BDP1: variants seen among roughly 807,000 people sequenced by gnomAD.
BDP1 encodes the protein BDP1 general transcription factor IIIB subunit, also known as transcription factor TFIIIB component B'' homolog.
BDP1 carries 169 observed loss-of-function variants against 266.6 expected under a neutral mutation model. The observed-to-expected ratio is 0.63, with a 90% CI of 0.56 to 0.72. BDP1 has a LOEUF of 0.72. Among genes scored for constraint, BDP1 ranks in the 30% least tolerant of loss-of-function variants. BDP1 has a pLI of 0.00. For synonymous variants in BDP1, 1,090 were observed against 1,022.4 expected, an observed-to-expected ratio of 1.07 and a Z score of -1.26; for missense variants, 3,015 against 3,053.8, an observed-to-expected ratio of 0.99 and a Z score of 0.30.
In BDP1 at chr5:71,559,279, C is replaced by T. The variant is rs114622771; in HGVS notation, c.7241-703C>T. ...CCTCTAGAGATGTTCTAAGATTGCT[C>T]CCATCCATCTGCTCTCCAATAAAAG... On this transcript the variant is annotated intron_variant, in intron 36 of 38. Transcript: ENST00000358731. Among the ~76,000 whole-genome samples, 1,511 of 152,296 alleles carry T rather than the reference C, an allele frequency of 9.9e-3. 29 individuals carry two copies. The highest frequency in any genetic ancestry group is 0.034 in the African/African-American group (1,422 of 41,546).
intron 6 of BDP1, among the ~76,000 whole-genome samples, chr5:71,468,435 G>A (rs967595507): frequency 5.3e-5 from 8 of 151,512 alleles, no homozygotes; most frequent in African/African-American, 1.5e-4. Flanking sequence ...GGCGTGAGTC[G>A]TTGTGCCCAG....
chr5:71,552,957 G>A (rs1373083320), intron 34 of BDP1, among the ~76,000 whole-genome samples, 159 bp from the exon 35 acceptor site: 1 of 152,030 alleles, frequency 6.6e-6, no homozygotes, highest in African/African-American at 2.4e-5. Flanking sequence ...CCATGGCCGT[G>A]TATCTCTTAG....
chr5:71,512,203 C>G (rs752098918), intron 17 of BDP1, 38 bp from the exon 18 acceptor site: 2 of 1,118,900 alleles, frequency 1.8e-6, no homozygotes, highest in Admixed American at 2.9e-5. Flanking sequence ...TTTAAATACT[C>G]TTTTATTTGT....
intron 25 of BDP1, among the ~76,000 whole-genome samples, chr5:71,526,839 C>G (rs906046551): frequency 2.6e-5 from 4 of 151,718 alleles, no homozygotes; most frequent in African/African-American, 9.7e-5. Flanking sequence ...GTGTGCACCA[C>G]CAAGCCTGAT....
At chr5:71,480,154 A>G (rs1762857447) in intron 7 of BDP1, among the ~76,000 whole-genome samples, 1 of 150,442 alleles carries the variant, frequency 6.6e-6, no homozygotes, top group South Asian at 2.1e-4. Context: ...CTCTGTCGCC[A>G]GGCTGGAGTG....
At chr5:71,504,426 T>C (rs1339520678) in intron 15 of BDP1, among the ~76,000 whole-genome samples, 195 bp from the exon 16 acceptor site, 1 of 152,220 alleles carries the variant, frequency 6.6e-6, no homozygotes, top group Non-Finnish European at 1.5e-5. Context: ...GAATGGGGCT[T>C]TGAGATATCC....
chr5:71,549,306 T>A (rs1345906017), intron 33 of BDP1, 114 bp from the exon 34 acceptor site: 1 of 860,466 alleles, frequency 1.2e-6, no homozygotes, highest in Non-Finnish European at 1.8e-6. Flanking sequence ...ATTTATTTAT[T>A]TAGTCTTGAT....
chr5:71,500,823 G>A (rs1256171184), intron 13 of BDP1, among the ~76,000 whole-genome samples: 1 of 151,860 alleles, frequency 6.6e-6, no homozygotes, highest in Admixed American at 6.6e-5. Flanking sequence ...ATGTACATCA[G>A]GTGTGGTGGC....
At chr5:71,499,533 C>T (rs1474655820) in intron 13 of BDP1, among the ~76,000 whole-genome samples, 1 of 152,062 alleles carries the variant, frequency 6.6e-6, no homozygotes, top group Admixed American at 6.6e-5. Flanking sequence ...GCAAAAGAAC[C>T]ACTTGTACCC....
intron 26 of BDP1, among the ~76,000 whole-genome samples, chr5:71,537,265 G>A (rs1766679644): frequency 6.6e-6 from 1 of 151,618 alleles, no homozygotes; most frequent in Admixed American, 6.6e-5. Flanking sequence ...TTAATATAGT[G>A]GAATGTTAAG....
intron 13 of BDP1, among the ~76,000 whole-genome samples, chr5:71,498,845 T>A (rs1201324512): frequency 2.6e-5 from 4 of 151,704 alleles, no homozygotes; most frequent in African/African-American, 9.7e-5. Context: ...TGCCTCAGCC[T>A]CCTAAGTAGC....
At chr5:71,490,051 G>C (rs1295169585) in intron 10 of BDP1, among the ~76,000 whole-genome samples, 1 of 152,090 alleles carries the variant, frequency 6.6e-6, no homozygotes, top group Non-Finnish European at 1.5e-5. Context: ...ACCCACAAGG[G>C]GTTAGTTCCT....
At position 71,560,225 on chromosome 5, in the gene BDP1, C is replaced by T. The variant is rs1341375248; in HGVS notation, c.7484C>T (p.Ala2495Val). 1.2e-6 allele frequency: 2 copies of T among 1,613,950 alleles called. No individual in the cohort carries two copies. Among genetic ancestry groups the T allele is most frequent in the Admixed American group, 1.7e-5 (1 of 60,012 alleles). Residue 2495 changes from alanine to valine, a missense_variant, in exon 37 of 39, where the codon GCC becomes GTC. Around this residue, in one of 3 missense-constraint regions of BDP1, gnomAD observed 629 missense variants for 632.5 expected, o/e 0.99. Transcript: ENST00000358731. ...QMDSRTSSSK[A>V]SLSRPGRRPL... is the part of the protein sequence containing the mutation. ...GATAGCAGAACATCGTCTTCTAAAG[C>T]CTCACTATCCAGGTATCATGAACAA... is the stretch of plus-strand genomic sequence containing the variant.
intron 16 of BDP1, among the ~76,000 whole-genome samples, chr5:71,506,823 A>ACCC (rs61407876): frequency 1.4e-5 from 2 of 141,726 alleles, no homozygotes; most frequent in African/African-American, 5.2e-5. Context: ...ACACACACAC[A>ACCC]CCCATATTTT....
At chr5:71,573,565 G>A in the BDP1 span, among the ~76,000 whole-genome samples, 2 of 152,210 alleles carry the variant, frequency 1.3e-5, no homozygotes, top group Non-Finnish European at 2.9e-5. Context: ...TAGAATCTGT[G>A]TTTGGTGCTA....
At chr5:71,557,127 G>T (rs1454444144) in intron 36 of BDP1, among the ~76,000 whole-genome samples, 3 of 152,166 alleles carry the variant, frequency 2.0e-5, no homozygotes, top group African/African-American at 7.2e-5. Flanking sequence ...CCTGTCATCA[G>T]TTGAAGACTA....
Position 71,478,048 on chromosome 5 carries a change from C to T in BDP1, c.1015-5794C>T, listed in dbSNP as rs560601105. ...GGCGGATCACCTGAGGTTGGGAGTT[C>T]GAGACCAGGCTGACCAACATGGAGG... is the stretch of plus-strand genomic sequence containing the variant. On this transcript the variant is annotated intron_variant, in intron 7 of 38. Transcript: ENST00000358731. 2.0e-4 allele frequency among the ~76,000 whole-genome samples: 30 copies of T among 152,232 alleles called. No homozygotes were observed. In the East Asian group the frequency reaches 5.0e-3, roughly 25 times the overall value.
In BDP1 at chr5:71,560,167, A is replaced by G. The variant is rs1212931189; in HGVS notation, c.7426A>G (p.Arg2476Gly). The G allele has an allele frequency of 6.2e-7, 1 of 1,614,046 alleles. No individual in the cohort carries two copies. Among genetic ancestry groups the G allele is most frequent in the African/African-American group, 1.3e-5 (1 of 74,942 alleles). ...DEMIVSDKEE[R>G]TDAAPKSQQM... The stretch of plus-strand genomic sequence containing the variant: ...AATGATTGTGTCTGATAAGGAAGAA[A>G]GAACTGATGCTGCTCCTAAGTCTCA... The change falls in exon 37 of 39, where the codon AGA (arginine) becomes GGA (glycine). Residue 2476 changes from arginine (R) to glycine (G), a missense_variant. Around this residue, in one of 3 missense-constraint regions of BDP1, gnomAD observed 629 missense variants for 632.5 expected, o/e 0.99. Transcript: ENST00000358731.
chr5:71,544,523 G>A lies in BDP1; in HGVS notation c.6563+16G>A. ...TAACTGAAAGGTAAAAGAGTGAAGA[G>A]GTTCTGAGATTCAGTTTATATTGTT... On this transcript the variant is annotated intron_variant, in intron 31 of 38. Transcript: ENST00000358731. 6 of 1,599,602 alleles carry A rather than the reference G, an allele frequency of 3.8e-6. No individual in the cohort carries two copies. Among genetic ancestry groups the A allele is most frequent in the Non-Finnish European group, 5.1e-6 (6 of 1,175,544 alleles).
Sources: allele counts gnomAD v4.1 joint callset (sites outside exome capture counted in the v4.1 genomes callset), GRCh38; gene constraint gnomAD v4.1.1; regional missense constraint gnomAD v4.1.1; transcripts MANE v1.5; gene names NCBI Gene and HGNC (gene_info 2026-07-23, HGNC 2026-07-21).